Variants in TMEM25 observed in about 807,000 individuals in gnomAD.
TMEM25 encodes transmembrane protein 25.
TMEM25 carries 36 observed loss-of-function variants against 37.0 expected under a neutral mutation model. That is an observed-to-expected ratio of 0.97 (90% CI 0.75 to 1.28). The LOEUF is 1.28. TMEM25 is among the 50% of genes most tolerant of loss of function. The probability of loss-of-function intolerance (pLI) is 0.00; values close to 1 mark genes in which losing one functional copy is unlikely to be tolerated. For missense variants in TMEM25, 444 were observed against 477.9 expected (o/e 0.93, Z 0.66); for synonymous variants, 197 against 203.7 (o/e 0.97, Z 0.28).
chr11:118,545,089 A>G (rs1369179831), intron 8 of TMEM25: 1 of 1,076,388 alleles, frequency 9.3e-7, no homozygotes, highest in African/African-American at 1.6e-5. Context: ...TAATTTCTTT[A>G]AAATGAACCC....
Position 118,535,176 on chromosome 11 carries a change from T to G in TMEM25, c.*596T>G. 1.9e-6 allele frequency: 2 copies of G among 1,055,456 alleles called. No homozygotes were observed. Among genetic ancestry groups the G allele is most frequent in the Non-Finnish European group, 2.3e-6 (2 of 875,350 alleles). 65.4% of individuals were successfully genotyped at this position (1,055,456 alleles called of 1,614,324 possible). A position where few individuals can be genotyped will look rare whatever the true frequency, so the allele number is the denominator to read the frequency against. On this transcript the variant is annotated 3_prime_UTR_variant, in exon 9 of 9. Coordinates refer to ENST00000313236, the MANE Select transcript of TMEM25 (RefSeq NM_032780.4). ...TGCACACGTCTCTGCCCTTCACTTC[T>G]TCTCTTCTGTCCCCACCTCCTCTTG...
chr11:118,532,858 A>C (rs1295891761), intron 3 of TMEM25, 59 bp from the exon 4 acceptor site: 1 of 1,552,246 alleles, frequency 6.4e-7, no homozygotes, highest in East Asian at 2.3e-5. Flanking sequence ...GTTTGGGAAG[A>C]AAGGGCTAGA....
At position 118,533,053 on chromosome 11, in the gene TMEM25, T is replaced by C. The variant is rs997996094; in HGVS notation, c.519T>C (p.Thr173=). The change falls in exon 4 of 9, where the codon ACT becomes ACC. Residue 173 remains threonine (T), a synonymous_variant. Coordinates refer to ENST00000313236, the MANE Select transcript of TMEM25 (RefSeq NM_032780.4). The part of the protein sequence containing the change: ...VTWIDQDGPV[T]VNTSDFLVLD... ...GGATCGACCAGGATGGGCCAGTGAC[T>C]GTCAACACCTCTGACTTCCTGGTGC... 1 of 1,614,186 alleles carries C rather than the reference T, an allele frequency of 6.2e-7. No homozygotes were observed. Among genetic ancestry groups the C allele is most frequent in the Non-Finnish European group, 8.5e-7 (1 of 1,180,032 alleles).
intron 8 of TMEM25, among the ~76,000 whole-genome samples, chr11:118,542,765 T>C (rs1043153788): frequency 1.6e-4 from 25 of 151,946 alleles, no homozygotes; most frequent in African/African-American, 6.0e-4. Context: ...ATACAAAAAT[T>C]AGCCAGCCGT....
rs571575507 is a variant in TMEM25 at position 118,534,557 on chromosome 11, A to G, written c.1078A>G (p.Ser360Gly). ...LGYIYRVSSV[S>G]SDEIWL ...CTATATCTATCGAGTGTCCAGCGTGAGCAGTGATGAGATCTGGCTCTGAGC... is the reference window on the plus strand; with the variant it reads ...CTATATCTATCGAGTGTCCAGCGTGGGCAGTGATGAGATCTGGCTCTGAGC... The change falls in exon 9 of 9, where the codon AGC becomes GGC. Residue 360 changes from serine (S) to glycine (G), a missense_variant. Physicochemically the swap from Ser to Gly is moderately conservative, Grantham distance 56 (BLOSUM62 0). Coordinates refer to ENST00000313236, the MANE Select transcript of TMEM25 (RefSeq NM_032780.4). This position sits in a 1 kb window ranked among gnomAD's most constrained non-coding sequence, Gnocchi z 4.6. The G allele has an allele frequency of 1.4e-5, 22 of 1,614,144 alleles. No individual in the cohort carries two copies. Among genetic ancestry groups the G allele is most frequent in the Middle Eastern group, 3.3e-4 (2 of 6,060 alleles).
downstream of TMEM25, among the ~76,000 whole-genome samples, chr11:118,537,185 T>C (rs1411706249): frequency 6.6e-6 from 1 of 151,862 alleles, no homozygotes; most frequent in Non-Finnish European, 1.5e-5. Context: ...TACTAAAATA[T>C]AAAAAATTAG....
downstream of TMEM25, chr11:118,535,941 G>C (rs797039910): frequency 1.3e-6 from 1 of 744,704 alleles, no homozygotes; most frequent in East Asian, 1.2e-4. Context: ...GCAGCGGCGC[G>C]ATCTTGGCTC....
chr11:118,531,940 C>T, intron 2 of TMEM25, 69 bp downstream of exon 2: 15 of 1,526,712 alleles, frequency 9.8e-6, no homozygotes. Context: ...CCTGTCTGCA[C>T]TTCTGTTTGG....
chr11:118,546,753 G>A (rs999565179), downstream of TMEM25: 4 of 152,690 alleles, frequency 2.6e-5, no homozygotes, highest in African/African-American at 9.7e-5. Context: ...AAAAGAAACT[G>A]ATACCAAGTT....
chr11:118,531,751 G>A, intron 1 of TMEM25, 24 bp from the exon 2 acceptor site: 1 of 1,497,044 alleles, frequency 6.7e-7, no homozygotes, highest in Non-Finnish European at 9.0e-7. Context: ...TCACCTGGCT[G>A]ACAGGCCCGC....
chr11:118,535,935 C>A, downstream of TMEM25: 1 of 799,846 alleles, frequency 1.3e-6, no homozygotes, highest in Non-Finnish European at 1.5e-6. Flanking sequence ...TGGAGTGCAG[C>A]GGCGCGATCT....
chr11:118,532,719 C>T, intron 3 of TMEM25, 198 bp from the exon 4 acceptor site: 1 of 827,156 alleles, frequency 1.2e-6, no homozygotes, highest in Non-Finnish European at 1.8e-6. Context: ...CCAGGATTCA[C>T]ATCTGGGCAT....
Position 118,535,829 on chromosome 11 carries a change from A to T in TMEM25, c.*1249A>T. 1 of 1,219,978 alleles carries T rather than the reference A, an allele frequency of 8.2e-7. No homozygotes were observed. The highest frequency in any genetic ancestry group is 1.0e-6 in the Non-Finnish European group (1 of 980,260). 75.6% of individuals were successfully genotyped at this position (1,219,978 alleles called of 1,614,324 possible). A position where few individuals can be genotyped will look rare whatever the true frequency, so the allele number is the denominator to read the frequency against. On this transcript the variant is annotated 3_prime_UTR_variant, in exon 9 of 9. Coordinates refer to ENST00000313236, the MANE Select transcript of TMEM25 (RefSeq NM_032780.4). ...AAGTTTAATAAACTTGACTGAATTC[A>T]TTTACATATCTCTGCTTCATTTCTT...
At position 118,533,428 on chromosome 11, in the gene TMEM25, G is replaced by T. The variant is rs565675943; in HGVS notation, c.682G>T (p.Ala228Ser). The T allele has an allele frequency of 6.2e-7, 1 of 1,613,756 alleles. No individual in the cohort carries two copies. Among genetic ancestry groups the T allele is most frequent in the Admixed American group, 1.7e-5 (1 of 60,020 alleles). The change falls in exon 5 of 9, where the codon GCT becomes TCT. Residue 228 changes from alanine (A) to serine (S), a missense_variant. Ala to Ser is a moderately conservative substitution (Grantham distance 99, BLOSUM62 1). Coordinates refer to ENST00000313236, the MANE Select transcript of TMEM25 (RefSeq NM_032780.4). ...CAGAGGACATCCTCCAGGGCTTCTG[G>T]CTACCCGGGTGGAAGTGCCACTGCT... Reference protein sequence around the residue: ...SASLPAPGLLATRVEVPLLGI... With the variant: ...SASLPAPGLLSTRVEVPLLGI...
At position 118,535,750 on chromosome 11, in the gene TMEM25, C is replaced by A; in HGVS notation, c.*1170C>A. 1 of 1,361,226 alleles carries A rather than the reference C, an allele frequency of 7.3e-7. No homozygotes were observed. Among genetic ancestry groups the A allele is most frequent in the Non-Finnish European group, 9.4e-7 (1 of 1,059,632 alleles). 84.3% of individuals were successfully genotyped at this position (1,361,226 alleles called of 1,614,324 possible). A position where few individuals can be genotyped will look rare whatever the true frequency, so the allele number is the denominator to read the frequency against. ...GAATATATTTTTCCCTTGTTGAGAT[C>A]TTCTTTTGTAATGTTTTTCATGTTA... On this transcript the variant is annotated 3_prime_UTR_variant, in exon 9 of 9. Coordinates refer to ENST00000313236, the MANE Select transcript of TMEM25 (RefSeq NM_032780.4).
In TMEM25 at chr11:118,531,828, C is replaced by T. The variant is rs1555058534; in HGVS notation, c.27C>T (p.Ala9=). ...TGGCGCTGCCTCCAGGCCCAGCCGC[C>T]CTCCGGCACACACTGCTGCTCCTGC... MALPPGPA[A]LRHTLLLLPA... The change falls in exon 2 of 9, where the codon GCC becomes GCT. Residue 9 remains alanine (A), a synonymous_variant. Transcript: ENST00000313236. 1 of 1,551,390 alleles carries T rather than the reference C, an allele frequency of 6.4e-7. No individual in the cohort carries two copies. Among genetic ancestry groups the T allele is most frequent in the Non-Finnish European group, 8.7e-7 (1 of 1,146,974 alleles).
intron 8 of TMEM25, chr11:118,545,515 C>T (rs1951658055): frequency 1.3e-6 from 2 of 1,594,434 alleles, no homozygotes; most frequent in Admixed American, 1.7e-5. Flanking sequence ...GAAGAACTTC[C>T]AGGAACAGAA....
At chr11:118,536,635 A>G (rs1409070668), downstream of TMEM25, among the ~76,000 whole-genome samples, 1 of 152,200 alleles carries the variant, frequency 6.6e-6, no homozygotes, top group African/African-American at 2.4e-5. Flanking sequence ...AGTGTTCCCA[A>G]TGGCCGGATT....
chr11:118,540,444 G>A (rs535078641), downstream of TMEM25, among the ~76,000 whole-genome samples: 1 of 152,370 alleles, frequency 6.6e-6, no homozygotes, highest in East Asian at 1.9e-4. Context: ...AGAGGGCCTT[G>A]CTGTCACTTC....
Sources: gnomAD v4.1 joint callset for allele counts (sites outside exome capture counted in the v4.1 genomes callset) on GRCh38, gnomAD v4.1.1 for gene constraint, Gnocchi (gnomAD v3.1) non-coding constraint, MANE v1.5 for transcripts, NCBI Gene and HGNC (gene_info 2026-07-23, HGNC 2026-07-21) for gene names.